ELP1: variants seen among roughly 807,000 people sequenced by gnomAD.
ELP1 encodes elongator acetyltransferase complex subunit 1.
In ELP1, 131 loss-of-function variants were observed where a neutral mutation model predicts 183.2. The observed-to-expected ratio is 0.72, with a 90% confidence interval of 0.62 to 0.83. The LOEUF is 0.83. Among genes scored for constraint, ELP1 ranks in the 40% least tolerant of loss-of-function variants. The pLI is 0.00. For missense variants in ELP1, 1,550 were observed against 1,594.9 expected (o/e 0.97, Z 0.48); for synonymous variants, 555 against 569.0 (o/e 0.98, Z 0.35).
At chr9:108,927,036 T>C (rs1459885261) in intron 4 of ELP1, among the ~76,000 whole-genome samples, 7 of 152,208 alleles carry the variant, frequency 4.6e-5, no homozygotes, top group Admixed American at 4.6e-4. Flanking sequence ...TTAAAATACA[T>C]ATTGCTGACA....
At chr9:108,883,224 C>T (rs532271715) in intron 29 of ELP1, among the ~76,000 whole-genome samples, 3 of 152,314 alleles carry the variant, frequency 2.0e-5, no homozygotes, top group East Asian at 1.9e-4. Context: ...AGTGCAGTGG[C>T]GTGAACTCAG....
intron 6 of ELP1, among the ~76,000 whole-genome samples, chr9:108,921,292 C>G (rs921861631): frequency 2.0e-5 from 3 of 152,058 alleles, no homozygotes; most frequent in African/African-American, 7.2e-5. Flanking sequence ...TACCCAACCA[C>G]TACTCTACTT....
chr9:108,916,846 G>C (rs1302432384), intron 9 of ELP1, among the ~76,000 whole-genome samples: 2 of 152,102 alleles, frequency 1.3e-5, no homozygotes, highest in Non-Finnish European at 2.9e-5. Context: ...TCTCAACTTA[G>C]GATGTTTAAA....
intron 29 of ELP1, among the ~76,000 whole-genome samples, chr9:108,889,120 G>T (rs1439694455): frequency 1.3e-5 from 2 of 152,200 alleles, no homozygotes; most frequent in African/African-American, 4.8e-5. Context: ...GTATGTTAAA[G>T]TAGAGCACCT....
In ELP1 at chr9:108,902,904, CA is replaced by C. The variant is rs767098313; in HGVS notation, c.1788del (p.Gly597ValfsTer18). ...TAAGGAAACCGAACAGGAAATCCAC[CA>C]GAGTTCTTCCATGGTTTAATAGCCA... is the stretch of plus-strand genomic sequence containing the variant. ...PSLAIKPWKN[S>X]GGFPVRFPYP... On this transcript the variant is annotated frameshift_variant, in exon 16 of 37. Transcript: ENST00000374647. LOFTEE classifies it high-confidence loss of function. 2 of 1,614,016 alleles carry C rather than the reference CA, an allele frequency of 1.2e-6. No homozygotes were observed. The highest frequency in any genetic ancestry group is 1.1e-5 in the South Asian group (1 of 91,084).
chr9:108,903,449 G>A, intron 15 of ELP1, 114 bp downstream of exon 15: 2 of 774,790 alleles, frequency 2.6e-6, no homozygotes, highest in African/African-American at 1.7e-5. Context: ...GGTTTTCCAG[G>A]GTAGTTAAAA....
Position 108,873,968 on chromosome 9 carries a change from G to T in ELP1, c.3931+927C>A, listed in dbSNP as rs893083852. ...AGACAGAAGAGGAGCTAGGAATACA[G>T]TAGTTACAGTCTGGATGTATGAGTT... On this transcript the variant is annotated intron_variant, in intron 36 of 36. Transcript: ENST00000374647. Among the ~76,000 whole-genome samples the T allele has an allele frequency of 1.8e-4, 27 of 152,310 alleles. No homozygotes were observed. The South Asian group carries it at 2.9e-3, about 16-fold the overall frequency.
intron 10 of ELP1, 52 bp from the exon 11 acceptor site, chr9:108,912,546 T>G: frequency 7.5e-7 from 1 of 1,340,404 alleles, no homozygotes; most frequent in Non-Finnish European, 1.1e-6. Context: ...GCAGACTTCA[T>G]CCCACTTGCC....
At chr9:108,932,828 T>C (rs1265454990) in intron 1 of ELP1, among the ~76,000 whole-genome samples, 1 of 152,186 alleles carries the variant, frequency 6.6e-6, no homozygotes, top group Non-Finnish European at 1.5e-5. Flanking sequence ...CTTGGACATC[T>C]GCAACCTCCA....
intron 36 of ELP1, among the ~76,000 whole-genome samples, chr9:108,872,614 C>T (rs1038341198): frequency 6.6e-6 from 1 of 151,634 alleles, no homozygotes; most frequent in Non-Finnish European, 1.5e-5. Flanking sequence ...ACCATCCTGG[C>T]TAACACGGTG....
At chr9:108,917,183 A>G (rs1377765769) in intron 9 of ELP1, among the ~76,000 whole-genome samples, 1 of 152,116 alleles carries the variant, frequency 6.6e-6, no homozygotes, top group East Asian at 1.9e-4. Context: ...AATCCCCTCT[A>G]TAGGCCAGGC....
intron 2 of ELP1, among the ~76,000 whole-genome samples, chr9:108,930,721 A>T (rs377402078): frequency 6.6e-6 from 1 of 151,982 alleles, no homozygotes; most frequent in African/African-American, 2.4e-5. Context: ...CCACTCTTAT[A>T]AACAGAATTT....
In ELP1 at chr9:108,874,939, A is replaced by G. The variant is rs1206579042; in HGVS notation, c.3887T>C (p.Ile1296Thr). The change falls in exon 36 of 37, where the codon ATC becomes ACC. Residue 1296 changes from isoleucine to threonine, a missense_variant. Coordinates refer to ENST00000374647, the MANE Select transcript of ELP1 (RefSeq NM_003640.5). The stretch of plus-strand genomic sequence containing the variant: ...CTTCTGTTGCTGATAAGATGCCATG[A>G]TACTATTTGCAGTAGAATTGGGACC... ...VLGPNSTANS[I>T]MASYQQQKTS... 1 of 1,612,946 alleles carries G rather than the reference A, an allele frequency of 6.2e-7. No individual in the cohort carries two copies.
intron 22 of ELP1, 109 bp from the exon 23 acceptor site, chr9:108,897,394 G>GA: frequency 9.2e-7 from 1 of 1,089,150 alleles, no homozygotes; most frequent in Non-Finnish European, 1.4e-6. Flanking sequence ...ATGACTTTTG[G>GA]AAAAGAGTTG....
intron 25 of ELP1, 142 bp downstream of exon 25, chr9:108,896,354 G>A: frequency 1.3e-6 from 1 of 744,128 alleles, no homozygotes. Context: ...AGGAATGTGG[G>A]CCCTAGAAAC....
chr9:108,931,234 A>C, intron 1 of ELP1, 33 bp from the exon 2 acceptor site: 2 of 1,228,316 alleles, frequency 1.6e-6, no homozygotes, highest in Non-Finnish European at 2.4e-6. Context: ...AATAGTGATA[A>C]ATGACCATAT....
intron 6 of ELP1, among the ~76,000 whole-genome samples, chr9:108,920,371 T>C (rs1829600513): frequency 1.3e-5 from 2 of 150,342 alleles, no homozygotes; most frequent in African/African-American, 4.9e-5. Context: ...AACCTCTGCC[T>C]CCCAGGTACA....
Position 108,894,000 on chromosome 9 carries a change from T to C in ELP1, c.2803A>G (p.Thr935Ala), listed in dbSNP as rs145484092. 20 of 1,605,352 alleles carry C rather than the reference T, an allele frequency of 1.2e-5. No individual in the cohort carries two copies. Among genetic ancestry groups the C allele is most frequent in the Admixed American group, 1.7e-5 (1 of 60,008 alleles). The change falls in exon 26 of 37, where the codon ACT (threonine) becomes GCT (alanine). Residue 935 changes from threonine (T) to alanine (A), a missense_variant. Physicochemically the swap from Thr to Ala is moderately conservative, Grantham distance 58 (BLOSUM62 0). Coordinates refer to ENST00000374647, the MANE Select transcript of ELP1 (RefSeq NM_003640.5). ...TATCGTTTCAAGTATTTGTCTATAG[T>C]AAACCGCTGATAATTAGTTTCCATT... ...KKMETNYQRF[T>A]IDKYLKRYEK...
chr9:108,880,617 A>C (rs9886842), intron 31 of ELP1, among the ~76,000 whole-genome samples: 33,123 of 152,126 alleles, frequency 0.22, 4,004 homozygotes, highest in African/African-American at 0.32. Context: ...AAAAATACAC[A>C]AGAGAAAAAT....
Sources: allele counts gnomAD v4.1 joint callset (sites outside exome capture counted in the v4.1 genomes callset), GRCh38; gene constraint gnomAD v4.1.1; transcripts MANE v1.5; gene names NCBI Gene and HGNC (gene_info 2026-07-23, HGNC 2026-07-21).